TASP1: variants seen among roughly 807,000 people sequenced by gnomAD.
TASP1 encodes the protein taspase 1.
Under a neutral mutation model 56.6 loss-of-function variants are expected in TASP1, and 16 were observed. The ratio of observed to expected loss-of-function variants is 0.28; its 90% CI spans 0.19 to 0.43. The LOEUF (loss-of-function observed/expected upper bound fraction) is 0.43, where lower values mean the gene tolerates loss of function less well. Among genes scored for constraint, TASP1 ranks in the 20% least tolerant of loss-of-function variants. TASP1 has a pLI of 1.00. For missense variants in TASP1, 393 were observed against 511.6 expected (o/e 0.77, Z 2.24); for synonymous variants, 179 against 184.2 (o/e 0.97, Z 0.23).
intron 8 of TASP1, among the ~76,000 whole-genome samples, chr20:13,536,548 G>A (rs1293829115): frequency 6.6e-6 from 1 of 152,106 alleles, no homozygotes; most frequent in Non-Finnish European, 1.5e-5. Flanking sequence ...AATAACAACA[G>A]AGAAGTCAAG....
At chr20:13,417,794 GCACA>G (rs138032848) in intron 12 of TASP1, among the ~76,000 whole-genome samples, 1 of 151,702 alleles carries the variant, frequency 6.6e-6, no homozygotes, top group African/African-American at 2.4e-5. Flanking sequence ...AACATTAAAT[GCACA>G]CACACACACT....
chr20:13,283,660 T>A, the TASP1 span, among the ~76,000 whole-genome samples: 1 of 152,160 alleles, frequency 6.6e-6, no homozygotes. Flanking sequence ...TCTGTGTAGA[T>A]ACTTGGGGTA....
At chr20:13,406,467 T>C (rs2041924026) in intron 13 of TASP1, among the ~76,000 whole-genome samples, 1 of 152,206 alleles carries the variant, frequency 6.6e-6, no homozygotes, top group Non-Finnish European at 1.5e-5. Flanking sequence ...TTTTATTTGC[T>C]TTATTGTACT....
At chr20:13,147,933 A>C in the TASP1 span, among the ~76,000 whole-genome samples, 1 of 152,364 alleles carries the variant, frequency 6.6e-6, no homozygotes, top group African/African-American at 2.4e-5. Context: ...GAGATTGCAA[A>C]GTCTGCAGAA....
the TASP1 span, among the ~76,000 whole-genome samples, chr20:13,382,902 G>A: frequency 1.3e-5 from 2 of 152,196 alleles, no homozygotes; most frequent in Admixed American, 6.5e-5. Flanking sequence ...ATGCTGGAGG[G>A]GGTGTGGTTA....
intron 10 of TASP1, among the ~76,000 whole-genome samples, chr20:13,503,427 A>C (rs1231619969): frequency 6.6e-6 from 1 of 152,160 alleles, no homozygotes; most frequent in Non-Finnish European, 1.5e-5. Context: ...CGTAAAAAAA[A>C]GGTTTAAGAG....
At chr20:13,249,784 T>A in the TASP1 span, among the ~76,000 whole-genome samples, 1 of 5,542 alleles carries the variant, frequency 1.8e-4, no homozygotes, top group Non-Finnish European at 2.8e-4. Context: ...TGTTGCGTTT[T>A]GTTTTGTTTT....
At chr20:13,363,180 G>C in the TASP1 span, among the ~76,000 whole-genome samples, 1 of 151,950 alleles carries the variant, frequency 6.6e-6, no homozygotes, top group East Asian at 1.9e-4. Context: ...TCCTACATTG[G>C]GGGTGGTCAC....
chr20:13,528,432 C>T lies in TASP1; in HGVS notation c.874+1G>A. ...GAAATGGTTATGAAAGCAGCAAATA[C>T]CTGAGGTACTCACAGCTGTGGAGTA... On this transcript the variant is annotated splice_donor_variant, in intron 10 of 13. Coordinates refer to ENST00000337743, the MANE Select transcript of TASP1 (RefSeq NM_017714.3). LOFTEE classifies it high-confidence loss of function. 1 of 1,606,422 alleles carries T rather than the reference C, an allele frequency of 6.2e-7. No individual in the cohort carries two copies. The highest frequency in any genetic ancestry group is 8.5e-7 in the Non-Finnish European group (1 of 1,176,126).
At chr20:13,233,185 G>T in the TASP1 span, among the ~76,000 whole-genome samples, 1 of 151,896 alleles carries the variant, frequency 6.6e-6, no homozygotes, top group Non-Finnish European at 1.5e-5. Context: ...CCTGCCTGGG[G>T]CCTCAATTAC....
chr20:13,247,517 G>GGGGGGTGT, the TASP1 span, among the ~76,000 whole-genome samples: 2 of 139,804 alleles, frequency 1.4e-5, no homozygotes, highest in African/African-American at 5.4e-5. Context: ...CAAAGTGAGG[G>GGGGGGTGT]GTGTGTGTGT....
At chr20:13,456,473 C>A (rs539284831) in intron 11 of TASP1, among the ~76,000 whole-genome samples, 2 of 152,128 alleles carry the variant, frequency 1.3e-5, no homozygotes, top group South Asian at 4.2e-4. Flanking sequence ...AAGAAAAAAA[C>A]CTGTAAAGGG....
chr20:13,494,493 G>A (rs189281745), intron 10 of TASP1, among the ~76,000 whole-genome samples: 2,552 of 152,184 alleles, frequency 0.017, 72 homozygotes, highest in African/African-American at 0.056. Context: ...TAGGGAGAAA[G>A]GGTCACTGAC....
intron 8 of TASP1, among the ~76,000 whole-genome samples, chr20:13,534,713 C>T (rs2045349824): frequency 6.6e-6 from 1 of 152,146 alleles, no homozygotes; most frequent in Non-Finnish European, 1.5e-5. Flanking sequence ...ATAACAGTAA[C>T]ATGCTTGCCA....
chr20:13,245,062 C>T, the TASP1 span, among the ~76,000 whole-genome samples: 4 of 152,148 alleles, frequency 2.6e-5, no homozygotes, highest in Non-Finnish European at 5.9e-5. Flanking sequence ...GATTTTAATA[C>T]CAAAAAGCAC....
the TASP1 span, among the ~76,000 whole-genome samples, chr20:13,183,755 C>A: frequency 6.6e-6 from 1 of 152,048 alleles, no homozygotes; most frequent in Non-Finnish European, 1.5e-5. Context: ...GTGGACCGGG[C>A]GTGGTGGCTC....
the TASP1 span, among the ~76,000 whole-genome samples, chr20:13,151,057 T>C: frequency 1.3e-5 from 2 of 152,194 alleles, no homozygotes; most frequent in Non-Finnish European, 2.9e-5. Flanking sequence ...GACTATAAGC[T>C]CTTCTGTTTT....
chr20:13,506,107 T>C (rs890611683), intron 10 of TASP1, among the ~76,000 whole-genome samples: 2 of 152,046 alleles, frequency 1.3e-5, no homozygotes, highest in East Asian at 1.9e-4. Flanking sequence ...TACAAGACAC[T>C]ACCATGAACA....
intron 13 of TASP1, among the ~76,000 whole-genome samples, chr20:13,396,844 A>G (rs2041559807): frequency 6.6e-6 from 1 of 152,224 alleles, no homozygotes; most frequent in Admixed American, 6.5e-5. Flanking sequence ...CATTGTTAGC[A>G]CTGAAACAGG....
Sources: gnomAD v4.1 joint callset for allele counts (sites outside exome capture counted in the v4.1 genomes callset) on GRCh38, gnomAD v4.1.1 for gene constraint, MANE v1.5 for transcripts, NCBI Gene and HGNC (gene_info 2026-07-23, HGNC 2026-07-21) for gene names.